The following PCDHGB1 variants were observed in gnomAD, a reference collection of about 807,000 sequenced individuals.
The protein encoded by PCDHGB1 is protocadherin gamma-B1.
PCDHGB1 carries 34 observed loss-of-function variants against 56.6 expected under a neutral mutation model. That is an observed-to-expected ratio of 0.60 (90% CI 0.46 to 0.80). PCDHGB1 has a LOEUF of 0.80. PCDHGB1 is among the 30% of genes least tolerant of loss of function. The probability of loss-of-function intolerance (pLI) is 0.00; values close to 1 mark genes in which losing one functional copy is unlikely to be tolerated. For synonymous variants in PCDHGB1, 561 were observed against 505.9 expected (o/e 1.11, Z -1.46); for missense variants, 1,278 against 1,204.6 (o/e 1.06, Z -0.90).
chr5:141,475,977 A>C, intron 1 of PCDHGB1: 1 of 972,828 alleles, frequency 1.0e-6, no homozygotes, highest in Non-Finnish European at 1.5e-6. Flanking sequence ...GAGACTGAAC[A>C]GCCGGCGAGC....
intron 1 of PCDHGB1, chr5:141,426,581 C>A: frequency 2.8e-6 from 1 of 358,468 alleles, no homozygotes. Context: ...TCTTCAAAAT[C>A]CTCTGTGTCA....
chr5:141,403,791 A>C (rs1265792011), intron 1 of PCDHGB1: 4 of 1,613,782 alleles, frequency 2.5e-6, no homozygotes, highest in Non-Finnish European at 3.4e-6. Flanking sequence ...GTGGCATACA[A>C]ATTCTGGAAA....
At position 141,511,148 on chromosome 5, in the gene PCDHGB1, A is replaced by C; in HGVS notation, c.2759A>C (p.Lys920Thr). Residue 920 changes from lysine to threonine, a missense_variant, in exon 4 of 4, where the codon AAG (lysine) becomes ACG (threonine). Coordinates refer to ENST00000523390, the MANE Select transcript of PCDHGB1 (RefSeq NM_018922.3). ...APAGGNGNKKKSGKKEKK is the reference protein window; with the variant it reads ...APAGGNGNKKTSGKKEKK ...GCAGGTGGCAATGGCAACAAGAAGA[A>C]GTCGGGCAAGAAGGAGAAGAAGTAA... is the stretch of plus-strand genomic sequence containing the variant. The C allele has an allele frequency of 6.2e-7, 1 of 1,614,202 alleles. No individual in the cohort carries two copies. Among genetic ancestry groups the C allele is most frequent in the East Asian group, 2.2e-5 (1 of 44,882 alleles).
In PCDHGB1 at chr5:141,476,877, T is replaced by C. The variant is rs2099400648; in HGVS notation, c.2410-17930T>C. ...CAGTCCTTGTACCGGGCGCGCGTCC[T>C]GGAGGATGCACCCTCCGGCACGCGC... On this transcript the variant is annotated intron_variant, in intron 1 of 3. Transcript: ENST00000523390. This position sits in a 1 kb window ranked among gnomAD's most constrained non-coding sequence, Gnocchi z 7.6. 4.3e-6 allele frequency: 7 copies of C among 1,613,954 alleles called. No homozygotes were observed. The highest frequency in any genetic ancestry group is 5.9e-6 in the Non-Finnish European group (7 of 1,180,038).
At chr5:141,359,719 A>G (rs888615978) in intron 1 of PCDHGB1, among the ~76,000 whole-genome samples, 1 of 152,136 alleles carries the variant, frequency 6.6e-6, no homozygotes, top group Non-Finnish European at 1.5e-5. Flanking sequence ...AAACTTTAAC[A>G]CTCATTTCCC....
At chr5:141,435,306 T>C (rs2154556603) in intron 1 of PCDHGB1, among the ~76,000 whole-genome samples, 1 of 152,358 alleles carries the variant, frequency 6.6e-6, no homozygotes, top group East Asian at 1.9e-4. Flanking sequence ...TGGTTTTAAA[T>C]CATTCATGAA....
intron 1 of PCDHGB1, chr5:141,423,301 C>T (rs1489674947): frequency 1.9e-6 from 3 of 1,614,150 alleles, no homozygotes; most frequent in East Asian, 4.5e-5. Flanking sequence ...AGACCTCTCG[C>T]TGTACTTGGT....
intron 1 of PCDHGB1, chr5:141,411,845 G>C (rs984420523): frequency 6.6e-6 from 1 of 151,920 alleles, no homozygotes; most frequent in Non-Finnish European, 1.5e-5. Context: ...AGGTGACAGA[G>C]TGAGACCCTG....
chr5:141,378,002 A>G (rs111381371), intron 1 of PCDHGB1: 1 of 152,236 alleles, frequency 6.6e-6, no homozygotes, highest in Non-Finnish European at 1.5e-5. Flanking sequence ...AGCTTGGCTC[A>G]AATAAGCTCT....
chr5:141,373,865 C>T, intron 1 of PCDHGB1: 1 of 465,356 alleles, frequency 2.1e-6, no homozygotes, highest in Admixed American at 3.9e-5. Context: ...GTTGACCAAC[C>T]TGGGCAAGAA....
chr5:141,416,042 A>G (rs1024979061), intron 1 of PCDHGB1: 1 of 193,196 alleles, frequency 5.2e-6, no homozygotes, highest in African/African-American at 2.3e-5. Context: ...ACCTCTGGAA[A>G]CACAACCCAA....
rs913767837 is a variant in PCDHGB1, at chr5:141,491,909, C to T, written c.2410-2898C>T. 8.5e-6 allele frequency: 12 copies of T among 1,403,834 alleles called. No individual in the cohort carries two copies. Among genetic ancestry groups the T allele is most frequent in the Non-Finnish European group, 1.1e-5 (12 of 1,057,326 alleles). 87.0% of individuals were successfully genotyped at this position (1,403,834 alleles called of 1,614,324 possible). A position where few individuals can be genotyped will look rare whatever the true frequency, so the allele number is the denominator to read the frequency against. Reference sequence around the variant, plus strand: ...GGGCTCCGAGCACCGGGGGTGGTGGCGACTGTGGGCGAGGGGAGGTGGGAC... The same window carrying T: ...GGGCTCCGAGCACCGGGGGTGGTGGTGACTGTGGGCGAGGGGAGGTGGGAC... On this transcript the variant is annotated intron_variant, in intron 1 of 3. Transcript: ENST00000523390. The surrounding 1 kb of genome is among the most constrained non-coding windows in gnomAD (Gnocchi z 6.9).
Position 141,485,754 on chromosome 5 carries a change from T to A in PCDHGB1, c.2410-9053T>A, listed in dbSNP as rs770807249. ...AGCGACGGCAGCCTGGTCCCAGAGC[T>A]GCTCCTGGAGAAGCCTTTGGATCGA... On this transcript the variant is annotated intron_variant, in intron 1 of 3. Transcript: ENST00000523390. This position sits in a 1 kb window ranked among gnomAD's most constrained non-coding sequence, Gnocchi z 5.7. 1 of 1,614,236 alleles carries A rather than the reference T, an allele frequency of 6.2e-7. No individual in the cohort carries two copies. The highest frequency in any genetic ancestry group is 8.5e-7 in the Non-Finnish European group (1 of 1,180,044).
chr5:141,415,078 GC>G (rs2095826068), intron 1 of PCDHGB1: 1 of 1,613,376 alleles, frequency 6.2e-7, no homozygotes, highest in Non-Finnish European at 8.5e-7. Flanking sequence ...CACGGCGCGA[GC>G]CCTGCTGGAC....
At chr5:141,441,790 A>G in intron 1 of PCDHGB1, 1 of 391,228 alleles carries the variant, frequency 2.6e-6, no homozygotes, top group South Asian at 2.0e-5. Context: ...CTGAATGACA[A>G]CGCACCGCGG....
chr5:141,461,560 T>G (rs1355320881), intron 1 of PCDHGB1, among the ~76,000 whole-genome samples: 1 of 152,234 alleles, frequency 6.6e-6, no homozygotes, highest in African/African-American at 2.4e-5. Context: ...ATGTGTACTT[T>G]GCAAAGATAA....
intron 1 of PCDHGB1, chr5:141,420,396 A>C: frequency 8.0e-7 from 1 of 1,250,930 alleles, no homozygotes; most frequent in Non-Finnish European, 1.1e-6. Context: ...ATATAGGTCA[A>C]ATTTATGGTT....
In PCDHGB1 at chr5:141,421,902, C is replaced by T. The variant is rs1218675162; in HGVS notation, c.2409+69233C>T. 4 of 1,613,706 alleles carry T rather than the reference C, an allele frequency of 2.5e-6. No homozygotes were observed. The South Asian group carries it at 3.3e-5, about 13-fold the overall frequency. On this transcript the variant is annotated intron_variant, in intron 1 of 3. Coordinates refer to ENST00000523390, the MANE Select transcript of PCDHGB1 (RefSeq NM_018922.3). Reference sequence around the variant, plus strand: ...ATGGAGGCGATCCCATCCGAAAGGGCGCAGTTCCCATTCGTGTGGTGGTCC... The same window carrying T: ...ATGGAGGCGATCCCATCCGAAAGGGTGCAGTTCCCATTCGTGTGGTGGTCC...
At position 141,432,299 on chromosome 5, in the gene PCDHGB1, C is replaced by G; in HGVS notation, c.2410-62508C>G. ...GTCCATCAACTCCGACACTGGGGTA[C>G]TGTATGCGCTGAGCTCCTTCGACTA... is the stretch of plus-strand genomic sequence containing the variant. On this transcript the variant is annotated intron_variant, in intron 1 of 3. Transcript: ENST00000523390. This position sits in a 1 kb window ranked among gnomAD's most constrained non-coding sequence, Gnocchi z 6.0. The G allele has an allele frequency of 2.5e-6, 4 of 1,614,278 alleles. No homozygotes were observed. The highest frequency in any genetic ancestry group is 3.4e-6 in the Non-Finnish European group (4 of 1,180,056).
Sources: gnomAD v4.1 joint callset for allele counts (sites outside exome capture counted in the v4.1 genomes callset) on GRCh38, gnomAD v4.1.1 for gene constraint, Gnocchi (gnomAD v3.1) non-coding constraint, MANE v1.5 for transcripts, NCBI Gene and HGNC (gene_info 2026-07-23, HGNC 2026-07-21) for gene names.